DACH2: variants seen among roughly 807,000 people sequenced by gnomAD.
DACH2 encodes dachshund homolog 2.
A neutral mutation model predicts 35.8 loss-of-function variants in DACH2; 17 were observed. The observed-to-expected ratio is 0.48, with a 90% CI of 0.33 to 0.71. DACH2 has a LOEUF of 0.71. Among genes scored for constraint, DACH2 ranks in the 30% least tolerant of loss-of-function variants. The pLI is 0.02. For synonymous variants in DACH2, 195 were observed against 177.3 expected (o/e 1.10, Z -0.79); for missense variants, 469 against 472.7 (o/e 0.99, Z 0.07).
chrX:86,638,775 T>G (rs1421342150), intron 3 of DACH2, among the ~76,000 whole-genome samples: 1 of 111,355 alleles, frequency 9.0e-6, no homozygotes, highest in Non-Finnish European at 1.9e-5. Context: ...TGTTGGTGAG[T>G]ATATGTAGAA....
intron 3 of DACH2, among the ~76,000 whole-genome samples, chrX:86,537,318 A>T (rs759595338): frequency 1.8e-5 from 2 of 111,182 alleles, no homozygotes; most frequent in African/African-American, 3.3e-5. Flanking sequence ...GACTCTTTTG[A>T]CATATTTCCT....
chrX:86,702,208 A>G (rs1408912738), intron 5 of DACH2, among the ~76,000 whole-genome samples: 1 of 111,580 alleles, frequency 9.0e-6, no homozygotes, highest in African/African-American at 3.3e-5. Flanking sequence ...TGGAAATTTT[A>G]AAAATATTCA....
intron 9 of DACH2, 111 bp from the exon 10 acceptor site, chrX:86,814,577 A>G: frequency 1.3e-6 from 1 of 795,690 alleles, no homozygotes; most frequent in Non-Finnish European, 1.8e-6. Flanking sequence ...GTCAAGTGAA[A>G]TATTTCTATA....
intron 2 of DACH2, among the ~76,000 whole-genome samples, chrX:86,436,425 A>T (rs967381927): frequency 1.5e-4 from 17 of 110,339 alleles, no homozygotes; most frequent in African/African-American, 5.2e-4. Context: ...ATATGAATAG[A>T]ACAAACATAG....
intron 1 of DACH2, among the ~76,000 whole-genome samples, chrX:86,278,703 C>T (rs756911736): frequency 1.2e-3 from 132 of 111,730 alleles, no homozygotes; most frequent in Non-Finnish European, 1.7e-3. Flanking sequence ...ACTGTTCATT[C>T]CCCTGGAAAA....
chrX:86,544,421 C>T (rs374648983), intron 3 of DACH2, among the ~76,000 whole-genome samples: 22 of 111,199 alleles, frequency 2.0e-4, no homozygotes, highest in African/African-American at 6.9e-4. Flanking sequence ...CAAAGGGAAC[C>T]CCATCAGGCT....
intron 4 of DACH2, among the ~76,000 whole-genome samples, chrX:86,670,152 A>T (rs921150252): frequency 9.0e-6 from 1 of 111,255 alleles, no homozygotes; most frequent in Admixed American, 9.6e-5. Flanking sequence ...TTTCATTTTT[A>T]TGTTCATTAG....
At chrX:86,408,113 T>C (rs1047324106) in intron 2 of DACH2, among the ~76,000 whole-genome samples, 5 of 111,550 alleles carry the variant, frequency 4.5e-5, no homozygotes, top group Non-Finnish European at 9.4e-5. Flanking sequence ...AATGATATCG[T>C]TGTGACTGCA....
intron 4 of DACH2, among the ~76,000 whole-genome samples, chrX:86,659,488 C>A (rs776134822): frequency 9.0e-6 from 1 of 111,228 alleles, no homozygotes; most frequent in Non-Finnish European, 1.9e-5. Context: ...ATGATGTGAT[C>A]TATCCTTATA....
At chrX:86,269,235 G>A (rs1347273219) in intron 1 of DACH2, among the ~76,000 whole-genome samples, 1 of 111,299 alleles carries the variant, frequency 9.0e-6, no homozygotes, top group African/African-American at 3.3e-5. Context: ...AACATGTGAT[G>A]TTTGCAATGT....
intron 1 of DACH2, among the ~76,000 whole-genome samples, chrX:86,310,196 A>G (rs900778336): frequency 3.6e-5 from 4 of 112,330 alleles, no homozygotes; most frequent in African/African-American, 9.7e-5. Context: ...CCTATCATGA[A>G]CTGGGTGCTT....
intron 2 of DACH2, among the ~76,000 whole-genome samples, chrX:86,486,385 C>T (rs1238926710): frequency 9.0e-6 from 1 of 111,341 alleles, no homozygotes; most frequent in Non-Finnish European, 1.9e-5. Flanking sequence ...AAGCTTACAA[C>T]TGTGAAACTT....
intron 7 of DACH2, among the ~76,000 whole-genome samples, chrX:86,780,959 T>C (rs2042083644): frequency 9.0e-6 from 1 of 111,498 alleles, no homozygotes; most frequent in African/African-American, 3.3e-5. Context: ...AGGGAGGGGA[T>C]GTTGCCACTA....
intron 3 of DACH2, among the ~76,000 whole-genome samples, chrX:86,554,559 A>G (rs1321284369): frequency 8.9e-6 from 1 of 111,843 alleles, no homozygotes; most frequent in Non-Finnish European, 1.9e-5. Flanking sequence ...ATGCAGCTGG[A>G]CAAAAGGAAG....
intron 2 of DACH2, among the ~76,000 whole-genome samples, chrX:86,432,022 A>T (rs1418340579): frequency 8.9e-6 from 1 of 112,064 alleles, no homozygotes; most frequent in Non-Finnish European, 1.9e-5. Flanking sequence ...ACTTTATAAT[A>T]AAGAGGAAGT....
At chrX:86,666,139 G>C (rs2040665802) in intron 4 of DACH2, among the ~76,000 whole-genome samples, 1 of 111,305 alleles carries the variant, frequency 9.0e-6, no homozygotes, top group Non-Finnish European at 1.9e-5. Context: ...TTGTCATTTT[G>C]CCTGGTTCCT....
chrX:86,440,931 A>C (rs1301247231), intron 2 of DACH2, among the ~76,000 whole-genome samples: 1 of 111,038 alleles, frequency 9.0e-6, no homozygotes, highest in East Asian at 2.8e-4. Flanking sequence ...AGCAGAGATT[A>C]TCCCTCTTAT....
chrX:86,207,996 T>A (rs2032356483), intron 1 of DACH2, among the ~76,000 whole-genome samples: 2 of 110,988 alleles, frequency 1.8e-5, no homozygotes, highest in Admixed American at 1.9e-4. Context: ...TGTAACAGTG[T>A]ATTTGCTTTA....
chrX:86,259,173 G>A (rs1202829280), intron 1 of DACH2, among the ~76,000 whole-genome samples: 1 of 111,836 alleles, frequency 8.9e-6, no homozygotes, highest in African/African-American at 3.2e-5. Context: ...TGACATCTGT[G>A]CTTAAATATA....
Sources: gnomAD v4.1 joint callset for allele counts (sites outside exome capture counted in the v4.1 genomes callset) on GRCh38, gnomAD v4.1.1 for gene constraint, MANE v1.5 for transcripts, NCBI Gene and HGNC (gene_info 2026-07-23, HGNC 2026-07-21) for gene names.